Variants in RBSN observed in about 807,000 individuals in gnomAD.
RBSN encodes the protein rabenosyn-5.
RBSN carries 34 observed loss-of-function variants against 60.5 expected under a neutral mutation model. The ratio of observed to expected loss-of-function variants is 0.56; its 90% CI spans 0.43 to 0.75. The LOEUF is 0.75. Ranked by LOEUF, RBSN falls within the 30% of genes least tolerant of loss-of-function variation. The pLI is 0.00. For missense variants in RBSN, 845 were observed against 986.8 expected (o/e 0.86, Z 1.92); for synonymous variants, 322 against 366.9 (o/e 0.88, Z 1.40).
intron 9 of RBSN, among the ~76,000 whole-genome samples, chr3:15,081,749 C>A (rs1575093557): frequency 6.6e-6 from 1 of 152,342 alleles, no homozygotes; most frequent in Non-Finnish European, 1.5e-5. Context: ...CCACCCAGTC[C>A]ACCTGGCTAG....
intron 13 of RBSN, chr3:15,075,207 C>CA: frequency 1.9e-6 from 1 of 516,934 alleles, no homozygotes; most frequent in Non-Finnish European, 3.4e-6. Flanking sequence ...TCTTAAACCT[C>CA]TAAGGTCTGT....
At chr3:15,095,175 C>T (rs370146689) in intron 4 of RBSN, among the ~76,000 whole-genome samples, 29 of 152,034 alleles carry the variant, frequency 1.9e-4, no homozygotes, top group African/African-American at 4.1e-4. Flanking sequence ...CCATCACGCC[C>T]GGCTAGTTGT....
intron 5 of RBSN, among the ~76,000 whole-genome samples, chr3:15,087,468 G>A (rs1466300245): frequency 6.6e-6 from 1 of 152,180 alleles, no homozygotes; most frequent in Non-Finnish European, 1.5e-5. Flanking sequence ...CAAGATCACA[G>A]CAGCACACTT....
chr3:15,090,616 A>C (rs1318654499), intron 4 of RBSN, 77 bp from the exon 5 acceptor site: 1 of 1,542,280 alleles, frequency 6.5e-7, no homozygotes, highest in East Asian at 2.3e-5. Flanking sequence ...CTCAAAAAAC[A>C]AGAGTTGACG....
intron 4 of RBSN, chr3:15,091,446 A>T: frequency 7.8e-7 from 1 of 1,284,790 alleles, no homozygotes; most frequent in African/African-American, 1.5e-5. Flanking sequence ...CACTTATTGA[A>T]TGCATGTGAG....
intron 8 of RBSN, among the ~76,000 whole-genome samples, chr3:15,083,810 C>T (rs569141908): frequency 1.6e-4 from 25 of 152,136 alleles, no homozygotes; most frequent in Non-Finnish European, 3.1e-4. Context: ...GACTAGCCCA[C>T]TGCTTATATT....
chr3:15,089,483 A>C (rs1170859687), intron 5 of RBSN, among the ~76,000 whole-genome samples: 4 of 144,082 alleles, frequency 2.8e-5, no homozygotes, highest in African/African-American at 5.4e-5. Context: ...AAAAACAAAA[A>C]AAAAAAACAG....
intron 13 of RBSN, chr3:15,075,264 A>G: frequency 1.7e-6 from 1 of 593,488 alleles, no homozygotes; most frequent in African/African-American, 1.9e-5. Context: ...ATACACATAT[A>G]ATTTTCTGTT....
rs533990013 is a variant in RBSN at position 15,073,829 on chromosome 3, G to A, written c.2308C>T (p.Arg770Trp). The change falls in exon 14 of 14, where the codon CGG becomes TGG. Residue 770 changes from arginine to tryptophan, a missense_variant. By Grantham distance (101) the Arg-to-Trp change is moderately radical (BLOSUM62 -3). Coordinates refer to ENST00000253699, the MANE Select transcript of RBSN (RefSeq NM_022340.4). Reference sequence around the variant, plus strand: ...TTGGCCAGGGTGTGCTTCAGCTCCCGCAGATTCTCTGTCAGCACCTCTACC... The same window carrying A: ...TTGGCCAGGGTGTGCTTCAGCTCCCACAGATTCTCTGTCAGCACCTCTACC... ...DEVEVLTENL[R>W]ELKHTLAKQK... is the part of the protein sequence containing the mutation. The A allele has an allele frequency of 1.2e-5, 19 of 1,612,932 alleles. No individual in the cohort carries two copies. Among genetic ancestry groups the A allele is most frequent in the Admixed American group, 1.0e-4 (6 of 59,928 alleles).
Position 15,073,006 on chromosome 3 carries a change from C to G in RBSN, c.*776G>C, listed in dbSNP as rs1486447347. The G allele has an allele frequency of 1.3e-5, 2 of 152,250 alleles. No individual in the cohort carries two copies. Among genetic ancestry groups the G allele is most frequent in the Non-Finnish European group, 2.9e-5 (2 of 68,068 alleles). The allele number at this position is 152,250 out of a possible 1,614,324, so 9.4% of individuals were successfully genotyped here. A position where few individuals can be genotyped will look rare whatever the true frequency, so the allele number is the denominator to read the frequency against. On this transcript the variant is annotated 3_prime_UTR_variant, in exon 14 of 14. Coordinates refer to ENST00000253699, the MANE Select transcript of RBSN (RefSeq NM_022340.4). The stretch of plus-strand genomic sequence containing the variant: ...GCGATTACAGGCGTGAGCCAGCGCG[C>G]CCGGCCACCACTCTTATTTTCTAAA...
chr3:15,083,521 C>T (rs1249488667), intron 8 of RBSN, among the ~76,000 whole-genome samples: 1 of 152,178 alleles, frequency 6.6e-6, no homozygotes, highest in African/African-American at 2.4e-5. Context: ...GTCCTCCACA[C>T]ACCCCCAACT....
intron 4 of RBSN, among the ~76,000 whole-genome samples, 163 bp from the exon 5 acceptor site, chr3:15,090,702 C>T (rs901277248): frequency 1.3e-5 from 2 of 152,312 alleles, no homozygotes; most frequent in Non-Finnish European, 1.5e-5. Context: ...AGCACACAAA[C>T]ACTATATTAC....
At chr3:15,076,480 A>G (rs550430128) in intron 12 of RBSN, among the ~76,000 whole-genome samples, 8 of 152,360 alleles carry the variant, frequency 5.3e-5, no homozygotes, top group African/African-American at 1.9e-4. Context: ...ATTTAAAAAA[A>G]AAGAAAAAAA....
chr3:15,095,186 T>G (rs78157319), intron 4 of RBSN, among the ~76,000 whole-genome samples: 2 of 150,528 alleles, frequency 1.3e-5, no homozygotes, highest in East Asian at 3.9e-4. Context: ...GGCTAGTTGT[T>G]TTTTTTTTTA....
chr3:15,076,332 G>A (rs1042303440), intron 12 of RBSN, among the ~76,000 whole-genome samples: 2 of 152,164 alleles, frequency 1.3e-5, no homozygotes, highest in African/African-American at 2.4e-5. Context: ...TGGGTGCAGT[G>A]GCTCACGCCT....
chr3:15,091,610 G>T, intron 4 of RBSN: 1 of 618,236 alleles, frequency 1.6e-6, no homozygotes, highest in Non-Finnish European at 2.3e-6. Context: ...CATTATGCCA[G>T]TTCATGCTTA....
chr3:15,086,974 T>C (rs11128732), intron 5 of RBSN, among the ~76,000 whole-genome samples: 44,886 of 152,110 alleles, frequency 0.3, 6,752 homozygotes, highest in Middle Eastern at 0.34. Context: ...CCAATGATCA[T>C]CTATTCATTT....
At chr3:15,094,046 A>G (rs2043585764) in intron 4 of RBSN, among the ~76,000 whole-genome samples, 1 of 152,150 alleles carries the variant, frequency 6.6e-6, no homozygotes, top group South Asian at 2.1e-4. Context: ...CAAAATTTCT[A>G]TTCTATTTAG....
rs968668968 is a variant in RBSN, at chr3:15,084,672, T to C, written c.598+63A>G. The C allele has an allele frequency of 1.3e-6, 2 of 1,507,504 alleles. No homozygotes were observed. Among genetic ancestry groups the C allele is most frequent in the South Asian group, 1.3e-5 (1 of 74,390 alleles). 93.4% of individuals were successfully genotyped at this position (1,507,504 alleles called of 1,614,324 possible). On this transcript the variant is annotated intron_variant, in intron 8 of 13. Coordinates refer to ENST00000253699, the MANE Select transcript of RBSN (RefSeq NM_022340.4). This position sits in a 1 kb window ranked among gnomAD's most constrained non-coding sequence, Gnocchi z 4.2. ...AAAGGTTCCACGATCCCAGTGGTAA[T>C]TAGCAAATAAGCTAGGCCCAAAAGA... is the stretch of plus-strand genomic sequence containing the variant.
Sources: gnomAD v4.1 joint callset for allele counts (sites outside exome capture counted in the v4.1 genomes callset) on GRCh38, gnomAD v4.1.1 for gene constraint, Gnocchi (gnomAD v3.1) non-coding constraint, MANE v1.5 for transcripts, NCBI Gene and HGNC (gene_info 2026-07-23, HGNC 2026-07-21) for gene names.